Variants in NCK2 observed in about 807,000 individuals in gnomAD.
The protein encoded by NCK2 is cytoplasmic protein NCK2.
A neutral mutation model predicts 33.9 loss-of-function variants in NCK2; 16 were observed. The observed-to-expected ratio is 0.47, with a 90% CI of 0.32 to 0.72. NCK2 has a LOEUF of 0.72. Ranked by LOEUF, NCK2 falls within the 30% of genes least tolerant of loss-of-function variation. The pLI, the probability that NCK2 is intolerant of heterozygous loss-of-function variation, is 0.03. For synonymous variants in NCK2, 273 were observed against 239.9 expected, an observed-to-expected ratio of 1.14 and a Z score of -1.27; for missense variants, 418 against 537.3, an observed-to-expected ratio of 0.78 and a Z score of 2.19.
intron 3 of NCK2, among the ~76,000 whole-genome samples, chr2:105,864,661 G>A (rs573028976): frequency 5.3e-5 from 8 of 152,130 alleles, no homozygotes; most frequent in Admixed American, 2.0e-4. Flanking sequence ...GGCCTACCTC[G>A]GAGAGCTGGC....
At chr2:105,853,632 C>G (rs1017020126) in intron 2 of NCK2, among the ~76,000 whole-genome samples, 1 of 152,148 alleles carries the variant, frequency 6.6e-6, no homozygotes, top group Non-Finnish European at 1.5e-5. Flanking sequence ...AAAGAAAAAA[C>G]TTATTCATGA....
chr2:105,748,998 A>G (rs891612060), intron 1 of NCK2, among the ~76,000 whole-genome samples: 3 of 152,236 alleles, frequency 2.0e-5, no homozygotes, highest in African/African-American at 7.2e-5. Flanking sequence ...TGGCCTCTCT[A>G]TTTGGCAAAT....
rs59005322 is a variant in NCK2, at chr2:105,880,936, A to ATTTTTTT, written c.227-366_227-360dup. 9.9e-4 allele frequency among the ~76,000 whole-genome samples: 103 copies of ATTTTTTT among 103,536 alleles called. 5 individuals carry two copies. Among genetic ancestry groups the ATTTTTTT allele is most frequent in the Middle Eastern group, 5.9e-3 (1 of 170 alleles). 67.9% of individuals were successfully genotyped at this position (103,536 alleles called of 152,430 possible). On this transcript the variant is annotated intron_variant, in intron 3 of 4. Coordinates refer to ENST00000233154, the MANE Select transcript of NCK2 (RefSeq NM_003581.5). ...CACAGATGTGCACCACAGGTGGCTA[A>ATTTTTTT]TTTTTTTTTTTTTTTTTTTTTTTTT...
At chr2:105,780,010 A>G (rs1007473162) in intron 1 of NCK2, among the ~76,000 whole-genome samples, 4 of 152,106 alleles carry the variant, frequency 2.6e-5, no homozygotes, top group Admixed American at 6.5e-5. Context: ...ATTTAATTCA[A>G]TTCTACTCTT....
intron 2 of NCK2, among the ~76,000 whole-genome samples, chr2:105,835,771 G>A (rs1439517975): frequency 1.3e-5 from 2 of 151,744 alleles, no homozygotes; most frequent in South Asian, 2.1e-4. Context: ...ATGAATATAT[G>A]TTTGCTTAAT....
intron 1 of NCK2, among the ~76,000 whole-genome samples, chr2:105,752,179 A>G (rs1257502737): frequency 6.6e-6 from 1 of 152,176 alleles, no homozygotes; most frequent in Non-Finnish European, 1.5e-5. Context: ...GAGTCTATAC[A>G]CTTTTCATGA....
At chr2:105,789,830 G>A (rs1690815054) in intron 1 of NCK2, among the ~76,000 whole-genome samples, 1 of 152,170 alleles carries the variant, frequency 6.6e-6, no homozygotes, top group Admixed American at 6.5e-5. Context: ...CCAGTAATTT[G>A]CATTTTTAAA....
chr2:105,768,597 C>T (rs1690023446), intron 1 of NCK2, among the ~76,000 whole-genome samples: 1 of 152,220 alleles, frequency 6.6e-6, no homozygotes, highest in African/African-American at 2.4e-5. Context: ...CTAGGTTGTC[C>T]AACCCGCGGT....
chr2:105,864,508 A>G (rs2104611293), intron 3 of NCK2, among the ~76,000 whole-genome samples: 1 of 152,134 alleles, frequency 6.6e-6, no homozygotes, highest in African/African-American at 2.4e-5. Context: ...GTGGAGTTTG[A>G]GGTTAGGGTG....
At chr2:105,792,357 G>T (rs1690916222) in intron 1 of NCK2, among the ~76,000 whole-genome samples, 1 of 152,088 alleles carries the variant, frequency 6.6e-6, no homozygotes, top group Admixed American at 6.5e-5. Context: ...TCAATTAATG[G>T]CCAATCCTTT....
intron 2 of NCK2, chr2:105,851,696 C>T (rs930310339): frequency 6.6e-6 from 1 of 152,290 alleles, no homozygotes; most frequent in African/African-American, 2.4e-5. Context: ...GATTGGCTGT[C>T]CCTCTGAAGC....
At chr2:105,786,708 C>T (rs563149140) in intron 1 of NCK2, among the ~76,000 whole-genome samples, 1 of 152,312 alleles carries the variant, frequency 6.6e-6, no homozygotes, top group South Asian at 2.1e-4. Context: ...CTTCCTGTCT[C>T]CATCGCTGTC....
intron 4 of NCK2, among the ~76,000 whole-genome samples, chr2:105,889,571 CTTT>C (rs35868906): frequency 0.015 from 1,976 of 132,770 alleles, 13 homozygotes; most frequent in Middle Eastern, 0.041. Context: ...ATTTGCATTT[CTTT>C]TTTTTTTTTT....
At chr2:105,790,917 C>G (rs1690857875) in intron 1 of NCK2, among the ~76,000 whole-genome samples, 1 of 152,098 alleles carries the variant, frequency 6.6e-6, no homozygotes, top group Non-Finnish European at 1.5e-5. Context: ...TGGTGAGGAG[C>G]CAGCCAGAGT....
At chr2:105,782,886 G>A (rs1261481708) in intron 1 of NCK2, among the ~76,000 whole-genome samples, 3 of 152,188 alleles carry the variant, frequency 2.0e-5, no homozygotes, top group South Asian at 2.1e-4. Context: ...CTGGAGAGGC[G>A]TAGGGGGCAG....
intron 4 of NCK2, among the ~76,000 whole-genome samples, chr2:105,888,435 G>A (rs541330111): frequency 6.6e-6 from 1 of 152,318 alleles, no homozygotes; most frequent in Admixed American, 6.5e-5. Context: ...GCGGACAGTG[G>A]GAGGTAGCAC....
At chr2:105,820,870 C>T (rs985831110) in intron 2 of NCK2, among the ~76,000 whole-genome samples, 7 of 152,198 alleles carry the variant, frequency 4.6e-5, no homozygotes, top group Non-Finnish European at 1.0e-4. Flanking sequence ...TTAGATGACA[C>T]AACTCAAGTT....
At chr2:105,764,829 T>C (rs1456367116) in intron 1 of NCK2, among the ~76,000 whole-genome samples, 1 of 152,242 alleles carries the variant, frequency 6.6e-6, no homozygotes, top group East Asian at 1.9e-4. Context: ...TTTTCTATTC[T>C]TCTCACTCTG....
At chr2:105,872,137 G>A (rs1190288732) in intron 3 of NCK2, among the ~76,000 whole-genome samples, 1 of 152,204 alleles carries the variant, frequency 6.6e-6, no homozygotes, top group African/African-American at 2.4e-5. Flanking sequence ...GTCAGTTGAC[G>A]AATATTTTTG....
Sources: allele counts gnomAD v4.1 joint callset (sites outside exome capture counted in the v4.1 genomes callset), GRCh38; gene constraint gnomAD v4.1.1; transcripts MANE v1.5; gene names NCBI Gene and HGNC (gene_info 2026-07-23, HGNC 2026-07-21).